The following TCEANC2 variants were observed in gnomAD, a reference collection of about 807,000 sequenced individuals.
The protein encoded by TCEANC2 is transcription elongation factor A N-terminal and central domain-containing protein 2.
In TCEANC2, 20 loss-of-function variants were observed where a neutral mutation model predicts 22.8. That is an observed-to-expected ratio of 0.88 (90% CI 0.62 to 1.28). TCEANC2 has a LOEUF of 1.28. Ranked by LOEUF, TCEANC2 falls within the 50% of genes most tolerant of loss-of-function variation. The pLI, the probability that TCEANC2 is intolerant of heterozygous loss-of-function variation, is 0.00. For missense variants in TCEANC2, 251 were observed against 249.7 expected (o/e 1.01, Z -0.03); for synonymous variants, 84 against 95.5 (o/e 0.88, Z 0.70).
intron 2 of TCEANC2, among the ~76,000 whole-genome samples, chr1:54,062,756 A>C (rs924142629): frequency 2.6e-5 from 4 of 152,230 alleles, no homozygotes; most frequent in Non-Finnish European, 5.9e-5. Flanking sequence ...AATGAGGTAA[A>C]GAAAGAACAT....
Position 54,054,483 on chromosome 1 carries a change from G to C in TCEANC2, c.61G>C (p.Gly21Arg). The C allele has an allele frequency of 6.2e-7, 1 of 1,613,950 alleles. No individual in the cohort carries two copies. Among genetic ancestry groups the C allele is most frequent in the East Asian group, 2.2e-5 (1 of 44,874 alleles). ...GAATAGCCCTCAGAAGAAAGATTCT[G>C]GAGGAAAGGTTTACAAGCAGGCCAC... ...IQNSPQKKDS[G>R]GKVYKQATIE... The change falls in exon 2 of 5, where the codon GGA (glycine) becomes CGA (arginine). Residue 21 changes from glycine to arginine, a missense_variant. Gly to Arg is a moderately radical substitution (Grantham distance 125, BLOSUM62 -2). Coordinates refer to ENST00000234827, the MANE Select transcript of TCEANC2 (RefSeq NM_153035.3).
downstream of TCEANC2, among the ~76,000 whole-genome samples, chr1:54,108,939 T>C (rs1658800086): frequency 6.6e-6 from 1 of 151,898 alleles, no homozygotes; most frequent in South Asian, 2.1e-4. Flanking sequence ...ACCACTGCGC[T>C]CCAGCCTGGG....
rs1658560453 is a variant in TCEANC2 at position 54,096,558 on chromosome 1, A to ATGGCTGATGC, written c.*92_*101dup. 4.0e-6 allele frequency: 6 copies of ATGGCTGATGC among 1,496,838 alleles called. No individual in the cohort carries two copies. Among genetic ancestry groups the ATGGCTGATGC allele is most frequent in the South Asian group, 4.0e-5 (3 of 75,054 alleles). 92.7% of individuals were successfully genotyped at this position (1,496,838 alleles called of 1,614,324 possible). A position where few individuals can be genotyped will look rare whatever the true frequency, so the allele number is the denominator to read the frequency against. On this transcript the variant is annotated 3_prime_UTR_variant, in exon 5 of 5. Coordinates refer to ENST00000234827, the MANE Select transcript of TCEANC2 (RefSeq NM_153035.3). The surrounding 1 kb of genome is among the most constrained non-coding windows in gnomAD (Gnocchi z 4.9). ...TCAAAGACGCTTTTGAGTTTGGGTG[A>ATGGCTGATGC]TGGCTGATGCTGGCTGTGCTAGATT...
chr1:54,060,426 G>A (rs1257721961), intron 2 of TCEANC2, among the ~76,000 whole-genome samples: 2 of 151,250 alleles, frequency 1.3e-5, no homozygotes, highest in East Asian at 2.0e-4. Context: ...AAAATTAGCC[G>A]GGCGTGGTGG....
At chr1:54,084,490 T>G (rs559789995) in intron 3 of TCEANC2, among the ~76,000 whole-genome samples, 13 of 152,278 alleles carry the variant, frequency 8.5e-5, no homozygotes, top group African/African-American at 3.1e-4. Context: ...GCAGGTAAAA[T>G]GTAGGCTAAA....
At chr1:54,094,891 C>G (rs1398499810) in intron 4 of TCEANC2, among the ~76,000 whole-genome samples, 1 of 152,190 alleles carries the variant, frequency 6.6e-6, no homozygotes, top group Non-Finnish European at 1.5e-5. Flanking sequence ...GTAATCTCAG[C>G]ACTTTGGGAG....
intron 4 of TCEANC2, chr1:54,089,877 G>A (rs917255597): frequency 6.4e-6 from 4 of 626,382 alleles, no homozygotes; most frequent in South Asian, 1.9e-5. Context: ...GGTCAAAAAC[G>A]CACCAAGTCG....
At position 54,096,668 on chromosome 1, in the gene TCEANC2, G is replaced by A. The variant is rs1200473155; in HGVS notation, c.*195G>A. ...GCAGGAATGTGCTTCATTAGCTGCA[G>A]TGCGCTGGTGCTGCCTAACAGAACG... On this transcript the variant is annotated 3_prime_UTR_variant, in exon 5 of 5. Coordinates refer to ENST00000234827, the MANE Select transcript of TCEANC2 (RefSeq NM_153035.3). This position sits in a 1 kb window ranked among gnomAD's most constrained non-coding sequence, Gnocchi z 4.9. The A allele has an allele frequency of 3.9e-6, 5 of 1,278,372 alleles. No individual in the cohort carries two copies. The highest frequency in any genetic ancestry group is 5.4e-5 in the East Asian group (2 of 36,956). 79.2% of individuals were successfully genotyped at this position (1,278,372 alleles called of 1,614,324 possible). A position where few individuals can be genotyped will look rare whatever the true frequency, so the allele number is the denominator to read the frequency against.
At chr1:54,094,509 C>T (rs1255257501) in intron 4 of TCEANC2, among the ~76,000 whole-genome samples, 1 of 152,196 alleles carries the variant, frequency 6.6e-6, no homozygotes, top group Non-Finnish European at 1.5e-5. Flanking sequence ...CTCTTGAAGC[C>T]AGGCACTGCC....
chr1:54,056,312 C>CTTTTTTT (rs113892636), intron 2 of TCEANC2, among the ~76,000 whole-genome samples: 2 of 149,642 alleles, frequency 1.3e-5, no homozygotes, highest in African/African-American at 2.5e-5. Flanking sequence ...CTTTTCTTTT[C>CTTTTTTT]TTTTCTTTTT....
At chr1:54,062,957 A>G (rs1339708374) in intron 2 of TCEANC2, among the ~76,000 whole-genome samples, 2 of 152,222 alleles carry the variant, frequency 1.3e-5, no homozygotes, top group African/African-American at 2.4e-5. Flanking sequence ...GATTCCAGCC[A>G]TGCAGAAATG....
chr1:54,060,226 T>G (rs1657826249), intron 2 of TCEANC2, among the ~76,000 whole-genome samples: 1 of 151,990 alleles, frequency 6.6e-6, no homozygotes, highest in South Asian at 2.1e-4. Context: ...GCCAATATGG[T>G]GAAACCCTGT....
downstream of TCEANC2, among the ~76,000 whole-genome samples, chr1:54,110,706 C>T (rs985585870): frequency 1.3e-5 from 2 of 152,192 alleles, no homozygotes; most frequent in Admixed American, 1.3e-4. Flanking sequence ...CTACAAGGTC[C>T]TCCGTGTCCT....
intron 2 of TCEANC2, among the ~76,000 whole-genome samples, chr1:54,066,326 AAGAAG>A (rs1657955217): frequency 6.6e-6 from 1 of 152,144 alleles, no homozygotes; most frequent in African/African-American, 2.4e-5. Context: ...AGAAGAAAAA[AAGAAG>A]AGAAAATATG....
Position 54,096,315 on chromosome 1 carries a change from C to G in TCEANC2, c.469C>G (p.Arg157Gly). Residue 157 changes from arginine (R) to glycine (G), a missense_variant, in exon 5 of 5, where the codon CGG becomes GGG. By Grantham distance (125) the Arg-to-Gly change is moderately radical. Coordinates refer to ENST00000234827, the MANE Select transcript of TCEANC2 (RefSeq NM_153035.3). This position sits in a 1 kb window ranked among gnomAD's most constrained non-coding sequence, Gnocchi z 4.9. ...TCACCTACTGGTTGAAAATATTGAA[C>G]GGGAAACGTTTCATCTCTGCTCCCG... ...MDHLLVENIERETFHLCSRLI... is the reference protein window; with the variant it reads ...MDHLLVENIEGETFHLCSRLI... 1 of 1,598,800 alleles carries G rather than the reference C, an allele frequency of 6.3e-7. No individual in the cohort carries two copies. Among genetic ancestry groups the G allele is most frequent in the Non-Finnish European group, 8.6e-7 (1 of 1,167,196 alleles).
chr1:54,107,519 G>A (rs1318627688), downstream of TCEANC2, among the ~76,000 whole-genome samples: 3 of 151,980 alleles, frequency 2.0e-5, no homozygotes, highest in African/African-American at 7.3e-5. Flanking sequence ...GGCTGGGGGT[G>A]GATTAAACTC....
chr1:54,085,252 A>ATGAC (rs1384212452), intron 3 of TCEANC2, among the ~76,000 whole-genome samples: 1 of 152,230 alleles, frequency 6.6e-6, no homozygotes, highest in African/African-American at 2.4e-5. Flanking sequence ...TAAGCCCTAC[A>ATGAC]TGACTAGTGC....
intron 2 of TCEANC2, among the ~76,000 whole-genome samples, chr1:54,055,445 C>T (rs1337843526): frequency 6.6e-6 from 1 of 152,202 alleles, no homozygotes; most frequent in African/African-American, 2.4e-5. Context: ...CATCCTGAAC[C>T]TTGCCTCTTA....
Position 54,096,764 on chromosome 1 carries a change from A to G in TCEANC2, c.*291A>G. On this transcript the variant is annotated 3_prime_UTR_variant, in exon 5 of 5. Coordinates refer to ENST00000234827, the MANE Select transcript of TCEANC2 (RefSeq NM_153035.3). This position sits in a 1 kb window ranked among gnomAD's most constrained non-coding sequence, Gnocchi z 4.9. ...ACATGGTGAAAGGGTGATGGATTTCACTGTGAATATGCCAAGGACACCTCT... is the reference window on the plus strand; with the variant it reads ...ACATGGTGAAAGGGTGATGGATTTCGCTGTGAATATGCCAAGGACACCTCT... The G allele has an allele frequency of 8.9e-7, 1 of 1,118,184 alleles. No homozygotes were observed. The highest frequency in any genetic ancestry group is 1.1e-6 in the Non-Finnish European group (1 of 912,124). 69.3% of individuals were successfully genotyped at this position (1,118,184 alleles called of 1,614,324 possible). A position where few individuals can be genotyped will look rare whatever the true frequency, so the allele number is the denominator to read the frequency against.
Sources: gnomAD v4.1 joint callset for allele counts (sites outside exome capture counted in the v4.1 genomes callset) on GRCh38, gnomAD v4.1.1 for gene constraint, Gnocchi (gnomAD v3.1) non-coding constraint, MANE v1.5 for transcripts, NCBI Gene and HGNC (gene_info 2026-07-23, HGNC 2026-07-21) for gene names.